The following GPATCH2 variants were observed in gnomAD, a reference collection of about 807,000 sequenced individuals.
GPATCH2 encodes the protein G patch domain-containing protein 2.
Under a neutral mutation model 58.0 loss-of-function variants are expected in GPATCH2, and 51 were observed. The ratio of observed to expected loss-of-function variants is 0.88; its 90% CI spans 0.70 to 1.11. GPATCH2 has a LOEUF of 1.11. Among genes scored for constraint, GPATCH2 ranks in the 50% most tolerant of loss-of-function variants. The pLI, the probability that GPATCH2 is intolerant of heterozygous loss-of-function variation, is 0.00. For missense variants in GPATCH2, 625 were observed against 652.2 expected, an observed-to-expected ratio of 0.96 and a Z score of 0.45; for synonymous variants, 222 against 218.5, an observed-to-expected ratio of 1.02 and a Z score of -0.14.
intron 1 of GPATCH2, among the ~76,000 whole-genome samples, chr1:217,629,337 T>C (rs915729417): frequency 1.3e-5 from 2 of 152,202 alleles, no homozygotes; most frequent in Non-Finnish European, 2.9e-5. Flanking sequence ...AAATACTAAG[T>C]GCTACCACTT....
At chr1:217,547,641 C>T (rs1037383904) in intron 5 of GPATCH2, among the ~76,000 whole-genome samples, 5 of 152,054 alleles carry the variant, frequency 3.3e-5, no homozygotes, top group East Asian at 1.9e-4. Context: ...ATCAATAAAC[C>T]GGATTTAAGA....
chr1:217,602,045 T>C (rs1402743759), intron 5 of GPATCH2, among the ~76,000 whole-genome samples: 1 of 152,180 alleles, frequency 6.6e-6, no homozygotes, highest in African/African-American at 2.4e-5. Flanking sequence ...TCCTACCTAC[T>C]GTAGAATAGG....
chr1:217,618,221 CTTTTTT>C (rs34863823), intron 2 of GPATCH2, among the ~76,000 whole-genome samples: 1 of 124,766 alleles, frequency 8.0e-6, no homozygotes. Flanking sequence ...CCTCTGGAAA[CTTTTTT>C]TTTTTTTTTT....
chr1:217,565,694 T>C (rs2042525), intron 5 of GPATCH2, among the ~76,000 whole-genome samples: 31,824 of 152,148 alleles, frequency 0.21, 4,321 homozygotes, highest in East Asian at 0.51. Flanking sequence ...CACTTTCAGG[T>C]AACCAAGTGT....
At chr1:217,562,976 T>C (rs1454962485) in intron 5 of GPATCH2, among the ~76,000 whole-genome samples, 1 of 151,480 alleles carries the variant, frequency 6.6e-6, no homozygotes, top group Non-Finnish European at 1.5e-5. Flanking sequence ...CTTCTGTTGT[T>C]ATTGCTATTG....
chr1:217,515,012 T>G (rs567965902), intron 5 of GPATCH2, 123 bp from the exon 6 acceptor site: 187 of 649,870 alleles, frequency 2.9e-4, no homozygotes, highest in Non-Finnish European at 5.1e-4. Flanking sequence ...TTTTCAAATC[T>G]CAGACAACAC....
In GPATCH2 at chr1:217,625,519, C is replaced by T. The variant is rs1342023758; in HGVS notation, c.57-5020G>A. ...AAACAGTCAACTATTTTTACAATGA[C>T]TATTGCTTTTTGAAGCCTCTGTTAC... is the stretch of plus-strand genomic sequence containing the variant. On this transcript the variant is annotated intron_variant, in intron 1 of 9. Transcript: ENST00000366935. 2.0e-5 allele frequency among the ~76,000 whole-genome samples: 3 copies of T among 152,216 alleles called. No individual in the cohort carries two copies. The East Asian group carries it at 5.8e-4, about 29-fold the overall frequency.
intron 5 of GPATCH2, among the ~76,000 whole-genome samples, chr1:217,601,629 T>G (rs758281835): frequency 1.4e-4 from 21 of 152,070 alleles, no homozygotes; most frequent in Non-Finnish European, 2.5e-4. Context: ...TAATGAATAA[T>G]GAACACCCTT....
intron 9 of GPATCH2, among the ~76,000 whole-genome samples, chr1:217,443,993 G>A (rs1208029644): frequency 6.6e-6 from 1 of 152,058 alleles, no homozygotes; most frequent in Non-Finnish European, 1.5e-5. Flanking sequence ...TATTTGTGGT[G>A]CTTCTCTGAG....
chr1:217,475,304 T>C (rs932057669), intron 8 of GPATCH2, among the ~76,000 whole-genome samples: 2 of 152,122 alleles, frequency 1.3e-5, no homozygotes, highest in Admixed American at 6.5e-5. Context: ...CTGGATGTGG[T>C]GGCAGATGCC....
chr1:217,465,822 C>T (rs1256875141), intron 8 of GPATCH2, among the ~76,000 whole-genome samples: 1 of 152,182 alleles, frequency 6.6e-6, no homozygotes, highest in Admixed American at 6.5e-5. Flanking sequence ...AGGATAACTT[C>T]ATCCCTGGGA....
chr1:217,617,635 A>G (rs1668955870), intron 2 of GPATCH2, among the ~76,000 whole-genome samples: 1 of 152,222 alleles, frequency 6.6e-6, no homozygotes, highest in Non-Finnish European at 1.5e-5. Context: ...AGTAGTCTTG[A>G]AAACGCTTAT....
chr1:217,545,315 T>C (rs1179252697), intron 5 of GPATCH2, among the ~76,000 whole-genome samples: 9 of 152,300 alleles, frequency 5.9e-5, no homozygotes, highest in African/African-American at 2.2e-4. Context: ...GTTCCGTCAA[T>C]GGACAAGCAC....
intron 5 of GPATCH2, among the ~76,000 whole-genome samples, chr1:217,590,912 G>C (rs1326294986): frequency 1.3e-5 from 2 of 152,176 alleles, no homozygotes; most frequent in Non-Finnish European, 2.9e-5. Context: ...ATGGATCTGG[G>C]AGAGGTTATT....
chr1:217,528,611 G>A (rs1242290350), intron 5 of GPATCH2, among the ~76,000 whole-genome samples: 2 of 152,180 alleles, frequency 1.3e-5, no homozygotes, highest in African/African-American at 4.8e-5. Flanking sequence ...AGAAGCATGG[G>A]GGGACTGAGG....
chr1:217,617,379 C>T (rs1668937863), intron 2 of GPATCH2, among the ~76,000 whole-genome samples: 1 of 152,196 alleles, frequency 6.6e-6, no homozygotes, highest in African/African-American at 2.4e-5. Context: ...TCTTCCCTCA[C>T]TAATACTTTC....
At chr1:217,496,573 G>A (rs1453585638) in intron 7 of GPATCH2, among the ~76,000 whole-genome samples, 1 of 152,072 alleles carries the variant, frequency 6.6e-6, no homozygotes, top group Non-Finnish European at 1.5e-5. Context: ...GACAGTGATG[G>A]GTCTTAAAGA....
At chr1:217,452,761 C>T (rs992021534) in intron 8 of GPATCH2, among the ~76,000 whole-genome samples, 2 of 151,954 alleles carry the variant, frequency 1.3e-5, no homozygotes, top group African/African-American at 4.8e-5. Context: ...CCTTCCCCGA[C>T]CCCCAACATA....
intron 2 of GPATCH2, among the ~76,000 whole-genome samples, chr1:217,618,693 C>T (rs1218669195): frequency 2.0e-5 from 3 of 152,018 alleles, no homozygotes; most frequent in Non-Finnish European, 4.4e-5. Flanking sequence ...CCACAATTCA[C>T]ATGATTAAAA....
Sources: allele counts gnomAD v4.1 joint callset (sites outside exome capture counted in the v4.1 genomes callset), GRCh38; gene constraint gnomAD v4.1.1; transcripts MANE v1.5; gene names NCBI Gene and HGNC (gene_info 2026-07-23, HGNC 2026-07-21).